Variants in KCNMA1 observed in about 807,000 individuals in gnomAD.
KCNMA1 encodes the protein Calcium-activated potassium channel subunit alpha-1.
In KCNMA1, 29 loss-of-function variants were observed where a neutral mutation model predicts 140.0. That is an observed-to-expected ratio of 0.21 (90% CI 0.15 to 0.28). The LOEUF (loss-of-function observed/expected upper bound fraction) is 0.28, where lower values mean the gene tolerates loss of function less well. KCNMA1 is among the 10% of genes least tolerant of loss of function. The probability of loss-of-function intolerance (pLI) is 1.00; values close to 1 mark genes in which losing one functional copy is unlikely to be tolerated. For synonymous variants in KCNMA1, 612 were observed against 611.9 expected (o/e 1.00, Z 0.00); for missense variants, 880 against 1,602.2 (o/e 0.55, Z 7.70).
At chr10:77,032,317 T>A (rs986611135) in intron 15 of KCNMA1, among the ~76,000 whole-genome samples, 1 of 152,202 alleles carries the variant, frequency 6.6e-6, no homozygotes, top group Non-Finnish European at 1.5e-5. Context: ...AGCCATCTAA[T>A]CCTTATTCTA....
At chr10:77,296,860 G>A (rs1182175620) in intron 2 of KCNMA1, among the ~76,000 whole-genome samples, 4 of 142,026 alleles carry the variant, frequency 2.8e-5, no homozygotes, top group Admixed American at 7.7e-5. Context: ...CCTACCTGCC[G>A]ATCTGCTCCA....
chr10:77,604,927 T>C (rs972537540), intron 1 of KCNMA1, among the ~76,000 whole-genome samples: 1 of 143,158 alleles, frequency 7.0e-6, no homozygotes, highest in African/African-American at 2.5e-5. Flanking sequence ...CCACCCACCA[T>C]ATGCCGCTGC....
At chr10:77,476,453 C>T (rs1429960558) in intron 1 of KCNMA1, among the ~76,000 whole-genome samples, 1 of 152,130 alleles carries the variant, frequency 6.6e-6, no homozygotes, top group Non-Finnish European at 1.5e-5. Context: ...GTGCTTCCCG[C>T]TCCCTAAGCC....
At position 77,427,901 on chromosome 10, in the gene KCNMA1, TG is replaced by T. The variant is rs532677718; in HGVS notation, c.379-23879del. On this transcript the variant is annotated intron_variant, in intron 1 of 27. Transcript: ENST00000286628. Reference sequence around the variant, plus strand: ...CCGAGTAGCTGGGACTACAGGTGCATGCCACCACGCCTGGCTAATTTTTGTA... The same window carrying T: ...CCGAGTAGCTGGGACTACAGGTGCATCCACCACGCCTGGCTAATTTTTGTA... Among the ~76,000 whole-genome samples, 15 of 152,040 alleles carry T rather than the reference TG, an allele frequency of 9.9e-5. No homozygotes were observed. In the South Asian group the frequency reaches 3.1e-3, roughly 32 times the overall value.
chr10:77,084,942 C>A (rs554055487), intron 11 of KCNMA1, among the ~76,000 whole-genome samples: 2 of 152,186 alleles, frequency 1.3e-5, no homozygotes, highest in South Asian at 4.1e-4. Flanking sequence ...ACAACATGTA[C>A]CTTGGTAATT....
chr10:77,275,484 G>A (rs1348299884), intron 2 of KCNMA1, among the ~76,000 whole-genome samples: 4 of 152,172 alleles, frequency 2.6e-5, no homozygotes, highest in African/African-American at 4.8e-5. Flanking sequence ...GACCCAGAGA[G>A]GAATTGACTT....
chr10:77,443,020 C>T (rs1048808872), intron 1 of KCNMA1, among the ~76,000 whole-genome samples: 3 of 152,136 alleles, frequency 2.0e-5, no homozygotes, highest in Admixed American at 6.5e-5. Flanking sequence ...TTTGTTTTTT[C>T]GCTCATGTGT....
At chr10:77,090,988 G>A (rs56057346) in intron 9 of KCNMA1, 7,385 of 186,376 alleles carry the variant, frequency 0.04, 201 homozygotes, top group Middle Eastern at 0.061. Flanking sequence ...TAAGAAAGCA[G>A]ACTTTTATCA....
chr10:77,063,660 G>A (rs2095839908), intron 14 of KCNMA1: 7 of 875,610 alleles, frequency 8.0e-6, no homozygotes, highest in Admixed American at 6.2e-5. Flanking sequence ...TTAGGGCAAC[G>A]ACAACCAATA....
chr10:77,161,352 A>G (rs541320227), intron 5 of KCNMA1, among the ~76,000 whole-genome samples: 4 of 152,034 alleles, frequency 2.6e-5, no homozygotes, highest in Non-Finnish European at 4.4e-5. Context: ...GCCTCAAGCG[A>G]TCCTCCTGCC....
At chr10:77,156,878 T>A (rs747492573) in intron 5 of KCNMA1, among the ~76,000 whole-genome samples, 5 of 152,136 alleles carry the variant, frequency 3.3e-5, no homozygotes, top group Non-Finnish European at 5.9e-5. Context: ...TCCATACGCT[T>A]GTGGTTTTAC....
At chr10:77,520,717 T>G (rs2053080208) in intron 1 of KCNMA1, among the ~76,000 whole-genome samples, 1 of 152,042 alleles carries the variant, frequency 6.6e-6, no homozygotes, top group African/African-American at 2.4e-5. Context: ...TGCCCCTGGA[T>G]GGTAGGCTCA....
intron 1 of KCNMA1, chr10:77,634,506 A>C: frequency 5.1e-6 from 5 of 985,332 alleles, no homozygotes; most frequent in Non-Finnish European, 6.0e-6. Context: ...CCAAACGCTC[A>C]TGAAATTGGA....
At chr10:76,920,020 G>GTGTGTGTGTGTGTA (rs1177257916) in intron 23 of KCNMA1, among the ~76,000 whole-genome samples, 4 of 34,428 alleles carry the variant, frequency 1.2e-4, no homozygotes, top group African/African-American at 4.2e-4. Context: ...GTGTGTGTGT[G>GTGTGTGTGTGTGTA]TATATATATA....
rs186989851 is a variant in KCNMA1, at chr10:77,456,288, G to A, written c.379-52265C>T. 3.0e-3 allele frequency among the ~76,000 whole-genome samples: 452 copies of A among 152,206 alleles called. 2 individuals are homozygous for A. Among genetic ancestry groups the A allele is most frequent in the Non-Finnish European group, 4.3e-3 (290 of 67,998 alleles). On this transcript the variant is annotated intron_variant, in intron 1 of 27. Transcript: ENST00000286628. The stretch of plus-strand genomic sequence containing the variant: ...GTCCCCATGTGGCATACTTTCTCTG[G>A]AGACCTTGGAAAGCTGGCTCCTTCT...
Position 77,581,401 on chromosome 10 carries a change from C to T in KCNMA1, c.378+55864G>A, listed in dbSNP as rs566706981. 7.0e-4 allele frequency among the ~76,000 whole-genome samples: 107 copies of T among 152,192 alleles called. 1 individual carries two copies. In the South Asian group the frequency reaches 7.3e-3, roughly 10 times the overall value. On this transcript the variant is annotated intron_variant, in intron 1 of 27. Transcript: ENST00000286628. ...TCGGCTCACTGTAACCTCTGCCTCC[C>T]GGGTTCACGGCATTCTCCTGCCTCA... is the stretch of plus-strand genomic sequence containing the variant.
intron 5 of KCNMA1, among the ~76,000 whole-genome samples, chr10:77,156,547 T>C (rs1182339466): frequency 6.6e-6 from 1 of 152,188 alleles, no homozygotes; most frequent in African/African-American, 2.4e-5. Context: ...AGGACAGTAA[T>C]AGCCCTTCCC....
intron 9 of KCNMA1, among the ~76,000 whole-genome samples, chr10:77,093,245 C>T (rs527886349): frequency 2.6e-5 from 4 of 152,178 alleles, no homozygotes; most frequent in South Asian, 2.1e-4. Flanking sequence ...CTTCCTTCAA[C>T]GTAATTGGTA....
intron 23 of KCNMA1, among the ~76,000 whole-genome samples, chr10:76,927,654 T>C (rs559337009): frequency 3.3e-5 from 5 of 152,340 alleles, no homozygotes; most frequent in Non-Finnish European, 7.3e-5. Flanking sequence ...CCTTTCTACA[T>C]GTGGTTGTTC....
Sources: allele counts gnomAD v4.1 joint callset (sites outside exome capture counted in the v4.1 genomes callset), GRCh38; gene constraint gnomAD v4.1.1; transcripts MANE v1.5; gene names NCBI Gene and HGNC (gene_info 2026-07-23, HGNC 2026-07-21).